The following CAMTA1 variants were observed in gnomAD, a reference collection of about 807,000 sequenced individuals.
CAMTA1 encodes calmodulin-binding transcription activator 1.
In CAMTA1, 27 loss-of-function variants were observed where a neutral mutation model predicts 170.9. The observed-to-expected ratio is 0.16, with a 90% CI of 0.12 to 0.22. The LOEUF is 0.22. Among genes scored for constraint, CAMTA1 ranks in the 10% least tolerant of loss-of-function variants. The pLI is 1.00. For missense variants in CAMTA1, 1,619 were observed against 2,217.2 expected (o/e 0.73, Z 5.42); for synonymous variants, 833 against 891.5 (o/e 0.93, Z 1.17).
intron 3 of CAMTA1, among the ~76,000 whole-genome samples, chr1:7,061,928 A>T (rs1708275962): frequency 6.6e-6 from 1 of 151,904 alleles, no homozygotes; most frequent in Non-Finnish European, 1.5e-5. Flanking sequence ...ATTAAATTTT[A>T]TTTTTTTGAG....
intron 9 of CAMTA1, among the ~76,000 whole-genome samples, chr1:7,668,388 A>AAC (rs779206499): frequency 0.25 from 25,357 of 100,566 alleles, 2,553 homozygotes; most frequent in East Asian, 0.3. Context: ...GCTGGTCACC[A>AAC]ACACACACAC....
chr1:7,497,931 G>T (rs1412951995), intron 6 of CAMTA1, among the ~76,000 whole-genome samples: 2 of 152,186 alleles, frequency 1.3e-5, no homozygotes, highest in Non-Finnish European at 1.5e-5. Flanking sequence ...AGAGATGACG[G>T]GGCTGCTCGG....
At chr1:6,921,621 G>A (rs529551990) in intron 3 of CAMTA1, among the ~76,000 whole-genome samples, 22 of 152,226 alleles carry the variant, frequency 1.4e-4, no homozygotes, top group South Asian at 6.2e-4. Context: ...GGCAATTTAC[G>A]AAAGAAAGAG....
At position 7,251,302 on chromosome 1, in the gene CAMTA1, A is replaced by T. The variant is rs1232319531; in HGVS notation, c.438+1676A>T. On this transcript the variant is annotated intron_variant, in intron 5 of 22. Coordinates refer to ENST00000303635, the MANE Select transcript of CAMTA1 (RefSeq NM_015215.4). The surrounding 1 kb of genome is among the most constrained non-coding windows in gnomAD (Gnocchi z 5.1). ...TGTTATAAATTAGAGTTGTCACTGG[A>T]TGGAATCAGAATGATTTATGGCTAT... 6.6e-6 allele frequency among the ~76,000 whole-genome samples: 1 copy of T among 152,156 alleles called. No homozygotes were observed. Among genetic ancestry groups the T allele is most frequent in the Non-Finnish European group, 1.5e-5 (1 of 68,034 alleles).
chr1:7,761,450 A>G (rs1203810423), intron 22 of CAMTA1, among the ~76,000 whole-genome samples: 1 of 151,986 alleles, frequency 6.6e-6, no homozygotes, highest in East Asian at 1.9e-4. Context: ...GATAGCCTGG[A>G]CATTTTTAGA....
At chr1:7,319,034 G>A (rs868460681) in intron 5 of CAMTA1, among the ~76,000 whole-genome samples, 12 of 152,262 alleles carry the variant, frequency 7.9e-5, no homozygotes, top group Middle Eastern at 6.8e-3. Flanking sequence ...GGATATTTTG[G>A]GAAACTTCTT....
chr1:7,331,610 G>C (rs2149745971), intron 5 of CAMTA1, among the ~76,000 whole-genome samples: 1 of 152,294 alleles, frequency 6.6e-6, no homozygotes, highest in Non-Finnish European at 1.5e-5. Flanking sequence ...TCACATGCTA[G>C]CATTATTATG....
intron 6 of CAMTA1, among the ~76,000 whole-genome samples, chr1:7,543,272 A>G (rs2094640364): frequency 6.6e-6 from 1 of 152,198 alleles, no homozygotes; most frequent in African/African-American, 2.4e-5. Context: ...TCAGCACTAT[A>G]AATAATACTC....
chr1:6,959,845 G>T (rs1038605444), intron 3 of CAMTA1, among the ~76,000 whole-genome samples: 6 of 152,140 alleles, frequency 3.9e-5, no homozygotes, highest in South Asian at 4.1e-4. Flanking sequence ...CACCCCTTCT[G>T]CATGAATCAC....
intron 3 of CAMTA1, among the ~76,000 whole-genome samples, chr1:7,002,236 C>G (rs1190702521): frequency 1.3e-5 from 2 of 152,074 alleles, no homozygotes; most frequent in African/African-American, 4.8e-5. Context: ...TTCTGTACCC[C>G]AATCAGGAGT....
intron 5 of CAMTA1, among the ~76,000 whole-genome samples, chr1:7,392,134 T>C (rs1338459349): frequency 1.3e-5 from 2 of 151,954 alleles, no homozygotes; most frequent in African/African-American, 2.4e-5. Flanking sequence ...TATATAAGAG[T>C]TTTAGTTGGC....
intron 6 of CAMTA1, among the ~76,000 whole-genome samples, chr1:7,530,815 T>TTC (rs2094483433): frequency 6.9e-6 from 1 of 144,676 alleles, no homozygotes; most frequent in Admixed American, 6.9e-5. Context: ...AGCTCTTGTT[T>TTC]TTTTTTTTTT....
At chr1:7,024,028 C>CA (rs35095557) in intron 3 of CAMTA1, among the ~76,000 whole-genome samples, 6,820 of 95,898 alleles carry the variant, frequency 0.071, 306 homozygotes, top group Middle Eastern at 0.2. Context: ...GACTCTGTCT[C>CA]AAAAAAAAAA....
rs1016276269 is a variant in CAMTA1, at chr1:6,970,619, A to C, written c.235-120685A>C. ...AAGACTCCACAGAACTGATGTTGGGATGGGAGAGACAAGCAGGCAATAGTT... is the reference window on the plus strand; with the variant it reads ...AAGACTCCACAGAACTGATGTTGGGCTGGGAGAGACAAGCAGGCAATAGTT... On this transcript the variant is annotated intron_variant, in intron 3 of 22. Coordinates refer to ENST00000303635, the MANE Select transcript of CAMTA1 (RefSeq NM_015215.4). This position sits in a 1 kb window ranked among gnomAD's most constrained non-coding sequence, Gnocchi z 4.4. Among the ~76,000 whole-genome samples the C allele has an allele frequency of 1.3e-5, 2 of 152,110 alleles. No homozygotes were observed. The highest frequency in any genetic ancestry group is 2.4e-5 in the African/African-American group (1 of 41,408).
intron 11 of CAMTA1, among the ~76,000 whole-genome samples, chr1:7,726,442 A>C (rs1345405958): frequency 1.4e-5 from 2 of 145,528 alleles, no homozygotes; most frequent in Admixed American, 1.4e-4. Flanking sequence ...TATCATTGCA[A>C]CTAACTTTTG....
intron 7 of CAMTA1, among the ~76,000 whole-genome samples, chr1:7,652,885 C>G (rs560939398): frequency 7.2e-5 from 11 of 152,322 alleles, no homozygotes; most frequent in East Asian, 1.9e-4. Flanking sequence ...CTCCTCACCC[C>G]CTACGCACCT....
chr1:7,563,123 T>A (rs547012108), intron 6 of CAMTA1, among the ~76,000 whole-genome samples: 1 of 152,244 alleles, frequency 6.6e-6, no homozygotes, highest in African/African-American at 2.4e-5. Flanking sequence ...GTGTCCAGGG[T>A]CCCTGGTCAT....
chr1:6,786,672 A>G (rs1569696012), intron 1 of CAMTA1, among the ~76,000 whole-genome samples: 1 of 152,124 alleles, frequency 6.6e-6, no homozygotes, highest in African/African-American at 2.4e-5. Flanking sequence ...TTTCCTAAAT[A>G]CCCTTTGAGT....
intron 3 of CAMTA1, among the ~76,000 whole-genome samples, chr1:7,085,177 T>C (rs1335333355): frequency 6.6e-6 from 1 of 152,056 alleles, no homozygotes; most frequent in East Asian, 1.9e-4. Flanking sequence ...GTGGCTCAGG[T>C]TCTATTTCCA....
Sources: gnomAD v4.1 joint callset for allele counts (sites outside exome capture counted in the v4.1 genomes callset) on GRCh38, gnomAD v4.1.1 for gene constraint, Gnocchi (gnomAD v3.1) non-coding constraint, MANE v1.5 for transcripts, NCBI Gene and HGNC (gene_info 2026-07-23, HGNC 2026-07-21) for gene names.